The following OPCML variants were observed in gnomAD, a reference collection of about 807,000 sequenced individuals.
OPCML encodes the protein opioid binding protein/cell adhesion molecule like, also known as opioid-binding protein/cell adhesion molecule.
In OPCML, 13 loss-of-function variants were observed where a neutral mutation model predicts 37.8. The observed-to-expected ratio is 0.34, with a 90% confidence interval of 0.22 to 0.55. The LOEUF is 0.55. Among genes scored for constraint, OPCML ranks in the 20% least tolerant of loss-of-function variants. The pLI, the probability that OPCML is intolerant of heterozygous loss-of-function variation, is 0.91. For missense variants in OPCML, 341 were observed against 435.6 expected (o/e 0.78, Z 1.93); for synonymous variants, 176 against 168.8 (o/e 1.04, Z -0.33).
At chr11:132,520,651 T>C (rs1038584483) in intron 4 of OPCML, among the ~76,000 whole-genome samples, 1 of 149,528 alleles carries the variant, frequency 6.7e-6, no homozygotes, top group African/African-American at 2.5e-5. Flanking sequence ...CCCAATGGTG[T>C]CATCTTATGT....
intron 1 of OPCML, among the ~76,000 whole-genome samples, chr11:133,411,030 T>C (rs997985627): frequency 2.6e-5 from 4 of 152,212 alleles, no homozygotes; most frequent in African/African-American, 9.7e-5. Context: ...GACCTGTGGC[T>C]GGCATGTGTC....
At chr11:132,518,858 A>G (rs903099731) in intron 4 of OPCML, among the ~76,000 whole-genome samples, 1 of 152,208 alleles carries the variant, frequency 6.6e-6, no homozygotes, top group Non-Finnish European at 1.5e-5. Flanking sequence ...AATGCATTAA[A>G]TGAGTGAATG....
chr11:133,180,842 A>AC (rs1937792375), intron 1 of OPCML, among the ~76,000 whole-genome samples: 1 of 151,494 alleles, frequency 6.6e-6, no homozygotes, highest in Admixed American at 6.6e-5. Context: ...GCAAAGCAAA[A>AC]AAAAAAAAAA....
chr11:132,454,159 T>C (rs2096075506), intron 4 of OPCML, among the ~76,000 whole-genome samples: 1 of 152,190 alleles, frequency 6.6e-6, no homozygotes, highest in African/African-American at 2.4e-5. Context: ...TTGCATCAAA[T>C]CCTGCAAAGC....
intron 1 of OPCML, chr11:133,003,599 A>G (rs1215825099): frequency 2.1e-6 from 2 of 960,532 alleles, no homozygotes; most frequent in Non-Finnish European, 2.5e-6. Context: ...GAAGTTGGAT[A>G]TTGGCTGGAG....
chr11:133,472,093 T>C (rs892654200), intron 1 of OPCML, among the ~76,000 whole-genome samples: 12 of 152,194 alleles, frequency 7.9e-5, no homozygotes, highest in Admixed American at 2.6e-4. Context: ...ATTTTTTTTT[T>C]CTACTGTCAA....
At chr11:132,904,045 C>G (rs896136953) in intron 2 of OPCML, among the ~76,000 whole-genome samples, 1 of 152,130 alleles carries the variant, frequency 6.6e-6, no homozygotes, top group Admixed American at 6.5e-5. Flanking sequence ...ATCAATGATG[C>G]CTGGTGAGTC....
At chr11:133,077,491 T>C (rs1948641482) in intron 1 of OPCML, among the ~76,000 whole-genome samples, 1 of 152,132 alleles carries the variant, frequency 6.6e-6, no homozygotes, top group African/African-American at 2.4e-5. Context: ...ATAAAATCAA[T>C]AAAGGGAAAT....
At chr11:133,284,458 C>T (rs1201540559) in intron 1 of OPCML, among the ~76,000 whole-genome samples, 1 of 152,040 alleles carries the variant, frequency 6.6e-6, no homozygotes, top group East Asian at 1.9e-4. Context: ...ACAAAACAAT[C>T]AACAACAAAA....
Position 132,563,617 on chromosome 11 carries a change from G to A in OPCML, c.380-34431C>T, listed in dbSNP as rs577930045. On this transcript the variant is annotated intron_variant, in intron 3 of 7. Transcript: ENST00000524381. ...GTTAATTCTATGTTATACAAATTTT[G>A]CCTCAACTATTTTTTTATTTCACCT... is the stretch of plus-strand genomic sequence containing the variant. Among the ~76,000 whole-genome samples, 3 of 151,718 alleles carry A rather than the reference G, an allele frequency of 2.0e-5. No homozygotes were observed. In the South Asian group the frequency reaches 6.3e-4, roughly 32 times the overall value.
chr11:132,817,766 CAAA>C, intron 2 of OPCML, among the ~76,000 whole-genome samples: 1 of 143,108 alleles, frequency 7.0e-6, no homozygotes, highest in Middle Eastern at 3.6e-3. Flanking sequence ...CCTCCCCCGC[CAAA>C]AAAAAAATGT....
chr11:132,996,428 C>T (rs971230604), intron 1 of OPCML, among the ~76,000 whole-genome samples: 50 of 150,000 alleles, frequency 3.3e-4, no homozygotes, highest in Admixed American at 2.9e-3. Flanking sequence ...ACCAGCCTGA[C>T]CAATATGGTG....
intron 1 of OPCML, chr11:133,299,960 C>T (rs1220698493): frequency 1.3e-5 from 2 of 152,164 alleles, no homozygotes; most frequent in Non-Finnish European, 2.9e-5. Flanking sequence ...ATTCATTCAC[C>T]CCTTATAAAT....
At chr11:132,750,447 G>A (rs1041828473) in intron 2 of OPCML, among the ~76,000 whole-genome samples, 6 of 152,108 alleles carry the variant, frequency 3.9e-5, no homozygotes, top group Non-Finnish European at 8.8e-5. Context: ...AAACCAAGGT[G>A]GCTGTCCATT....
At chr11:133,354,393 T>C (rs934856350) in intron 1 of OPCML, among the ~76,000 whole-genome samples, 9 of 104,700 alleles carry the variant, frequency 8.6e-5, no homozygotes, top group Non-Finnish European at 1.2e-4. Context: ...AATCAATGCA[T>C]ACTGAATGCT....
At chr11:133,387,368 G>A (rs529403220) in intron 1 of OPCML, among the ~76,000 whole-genome samples, 7 of 152,280 alleles carry the variant, frequency 4.6e-5, no homozygotes, top group African/African-American at 1.2e-4. Context: ...AGCAGCCACC[G>A]GCGGGGTGTT....
At chr11:132,630,906 T>C (rs1214400356) in intron 3 of OPCML, among the ~76,000 whole-genome samples, 1 of 152,150 alleles carries the variant, frequency 6.6e-6, no homozygotes, top group Non-Finnish European at 1.5e-5. Flanking sequence ...CAAATTGTAA[T>C]ATATTCATAT....
At chr11:132,568,573 G>C (rs961038649) in intron 3 of OPCML, among the ~76,000 whole-genome samples, 5 of 152,186 alleles carry the variant, frequency 3.3e-5, no homozygotes, top group Admixed American at 3.3e-4. Flanking sequence ...GACAGAGACA[G>C]AGACTGCAGC....
intron 1 of OPCML, among the ~76,000 whole-genome samples, chr11:133,060,887 G>A (rs1286166966): frequency 6.6e-6 from 1 of 152,256 alleles, no homozygotes; most frequent in East Asian, 1.9e-4. Context: ...GGGCTGCAGA[G>A]ACTGCTTTTC....
Sources: allele counts gnomAD v4.1 joint callset (sites outside exome capture counted in the v4.1 genomes callset), GRCh38; gene constraint gnomAD v4.1.1; transcripts MANE v1.5; gene names NCBI Gene and HGNC (gene_info 2026-07-23, HGNC 2026-07-21).